IL17REL: variants seen among roughly 807,000 people sequenced by gnomAD.
IL17REL encodes interleukin 17 receptor E like.
In IL17REL, 36 loss-of-function variants were observed where a neutral mutation model predicts 49.0. The ratio of observed to expected loss-of-function variants is 0.73; its 90% CI spans 0.56 to 0.97. The LOEUF is 0.97. Among genes scored for constraint, IL17REL ranks in the 50% least tolerant of loss-of-function variants. IL17REL has a pLI of 0.00. For synonymous variants in IL17REL, 206 were observed against 192.4 expected (o/e 1.07, Z -0.58); for missense variants, 470 against 453.9 (o/e 1.04, Z -0.32).
At chr22:50,005,912 A>G (rs1162524759) in intron 1 of IL17REL, among the ~76,000 whole-genome samples, 1 of 152,082 alleles carries the variant, frequency 6.6e-6, no homozygotes, top group Non-Finnish European at 1.5e-5. Context: ...CACCAACTCA[A>G]CTGCTGAAAA....
chr22:49,997,748 A>C lies in IL17REL; in HGVS notation c.820-6T>G. 1 of 1,613,806 alleles carries C rather than the reference A, an allele frequency of 6.2e-7. No homozygotes were observed. The highest frequency in any genetic ancestry group is 8.5e-7 in the Non-Finnish European group (1 of 1,179,914). On this transcript the variant is annotated splice_region_variant and splice_polypyrimidine_tract_variant and intron_variant, in intron 9 of 12. Coordinates refer to ENST00000341280, the Ensembl canonical transcript of IL17REL. ...GACCCCCAACTGGTAGAGAACTGCA[A>C]AGTGGGGTGAGGGGTGCAGGAGGGT...
chr22:50,000,063 G>A (rs2061068917), intron 4 of IL17REL, 96 bp from the exon 7 acceptor site: 2 of 1,324,346 alleles, frequency 1.5e-6, no homozygotes, highest in African/African-American at 1.5e-5. Flanking sequence ...GGCTCCTGCT[G>A]GGTTCAGACG....
chr22:49,997,047 C>T, exon 12 of IL17REL: 1 of 1,563,682 alleles, frequency 6.4e-7, no homozygotes, highest in Non-Finnish European at 8.6e-7. Flanking sequence ...TCTAGGAAGG[C>T]AAAAGCAGGG....
At chr22:50,001,125 G>A in exon 2 of IL17REL, 1 of 1,604,516 alleles carries the variant, frequency 6.2e-7, no homozygotes, top group Non-Finnish European at 8.5e-7. Context: ...GCATCGCGCA[G>A]CCGTCAGAGG....
chr22:49,996,885 A>G (rs1032151747), intron 12 of IL17REL, 25 bp from the exon 15 acceptor site: 14 of 623,752 alleles, frequency 2.2e-5, no homozygotes, highest in Non-Finnish European at 3.7e-5. Context: ...CAGCTCCGTC[A>G]ACATGGCCTC....
At position 49,999,922 on chromosome 22, in the gene IL17REL, A is replaced by G. The variant is rs1350813033; in HGVS notation, c.380T>C (p.Leu127Pro). 1.3e-6 allele frequency: 2 copies of G among 1,534,898 alleles called. No homozygotes were observed. Among genetic ancestry groups the G allele is most frequent in the Admixed American group, 2.0e-5 (1 of 49,296 alleles). Residue 127 changes from leucine (L) to proline (P), a missense_variant, in exon 5 of 13, where the codon CTG becomes CCG. Leu to Pro is a moderately conservative substitution (Grantham distance 98, BLOSUM62 -3). Coordinates refer to ENST00000341280, the Ensembl canonical transcript of IL17REL. ...CCCGGAGGCCCTGGGCACTTGCACC[A>G]GAATCGCCTTGCGCCTCCGGTCCAC...
upstream of IL17REL, among the ~76,000 whole-genome samples, chr22:50,010,556 G>A (rs886554975): frequency 2.0e-5 from 3 of 152,358 alleles, no homozygotes; most frequent in African/African-American, 7.2e-5. Context: ...TGGACTCCCC[G>A]CATCCACCTT....
At chr22:50,003,655 A>G (rs2061091414) in intron 1 of IL17REL, among the ~76,000 whole-genome samples, 1 of 152,082 alleles carries the variant, frequency 6.6e-6, no homozygotes, top group Admixed American at 6.5e-5. Flanking sequence ...AAATTTTTTG[A>G]CAAAATTCAC....
intron 7 of IL17REL, 96 bp from the exon 10 acceptor site, chr22:49,998,405 G>T: frequency 1.7e-6 from 2 of 1,169,998 alleles, no homozygotes; most frequent in Non-Finnish European, 2.3e-6. Context: ...CACTGGGCCA[G>T]GGTCCAGCGC....
At chr22:49,998,395 C>T (rs761401423) in intron 7 of IL17REL, 86 bp from the exon 10 acceptor site, 11 of 1,341,482 alleles carry the variant, frequency 8.2e-6, no homozygotes, top group Non-Finnish European at 1.0e-5. Flanking sequence ...CTCAAGTGAC[C>T]ACTGGGCCAG....
chr22:50,012,495 A>C (rs2061146955), upstream of IL17REL: 1 of 152,524 alleles, frequency 6.6e-6, no homozygotes, highest in Non-Finnish European at 1.5e-5. Flanking sequence ...AGGAGAAACC[A>C]GGGCCTTATC....
intron 12 of IL17REL, 52 bp downstream of exon 14, chr22:49,996,942 G>A: frequency 1.1e-6 from 1 of 908,574 alleles, no homozygotes; most frequent in Non-Finnish European, 1.7e-6. Flanking sequence ...TGTGAACTGA[G>A]GTCCTGCAGT....
upstream of IL17REL, chr22:50,009,180 A>C (rs989825506): frequency 6.9e-6 from 1 of 144,296 alleles, no homozygotes; most frequent in African/African-American, 2.6e-5. Flanking sequence ...CATAGAGGTC[A>C]ATTTCATGGG....
At chr22:50,004,705 A>T (rs186555450) in intron 1 of IL17REL, among the ~76,000 whole-genome samples, 2 of 152,074 alleles carry the variant, frequency 1.3e-5, no homozygotes, top group Non-Finnish European at 2.9e-5. Flanking sequence ...TACTAAAAAT[A>T]CAAAAATTTG....
chr22:50,001,015 T>A, intron 2 of IL17REL, 67 bp downstream of exon 3: 4 of 1,353,886 alleles, frequency 3.0e-6, no homozygotes, highest in Non-Finnish European at 4.1e-6. Context: ...TTGATGGGAA[T>A]AAAAGGCACC....
intron 1 of IL17REL, among the ~76,000 whole-genome samples, chr22:50,001,442 G>C (rs2146749368): frequency 6.6e-6 from 1 of 152,298 alleles, no homozygotes; most frequent in South Asian, 2.1e-4. Flanking sequence ...TGGGACCCCA[G>C]GAGTGGGCCT....
At chr22:49,997,053 C>A (rs1346866057) in exon 12 of IL17REL, 1 of 1,562,420 alleles carries the variant, frequency 6.4e-7, no homozygotes, top group Admixed American at 2.1e-5. Flanking sequence ...AAGGCAAAAG[C>A]AGGGGCGGCT....
intron 1 of IL17REL, among the ~76,000 whole-genome samples, chr22:50,005,711 A>G (rs1206777033): frequency 6.6e-6 from 1 of 152,078 alleles, no homozygotes; most frequent in African/African-American, 2.4e-5. Flanking sequence ...AGGCTAAGGC[A>G]GGAGAATCCC....
upstream of IL17REL, chr22:50,012,735 A>T (rs1601896356): frequency 1.3e-5 from 2 of 152,154 alleles, no homozygotes; most frequent in Non-Finnish European, 2.9e-5. Flanking sequence ...CTCCAGGCTG[A>T]CCCTGCAGCT....
Sources: gnomAD v4.1 joint callset for allele counts (sites outside exome capture counted in the v4.1 genomes callset) on GRCh38, gnomAD v4.1.1 for gene constraint, MANE v1.5 for transcripts, NCBI Gene and HGNC (gene_info 2026-07-23, HGNC 2026-07-21) for gene names.